Variants in P4HA1 observed in about 807,000 individuals in gnomAD.
P4HA1 encodes the protein prolyl 4-hydroxylase subunit alpha 1.
In P4HA1, 24 loss-of-function variants were observed where a neutral mutation model predicts 72.8. The observed-to-expected ratio is 0.33, with a 90% CI of 0.24 to 0.46. The LOEUF (loss-of-function observed/expected upper bound fraction) is 0.46. Ranked by LOEUF, P4HA1 falls within the 20% of genes least tolerant of loss-of-function variation. The probability of loss-of-function intolerance (pLI) is 1.00; values close to 1 mark genes in which losing one functional copy is unlikely to be tolerated. For synonymous variants in P4HA1, 201 were observed against 218.8 expected, an observed-to-expected ratio of 0.92 and a Z score of 0.72; for missense variants, 446 against 640.6, an observed-to-expected ratio of 0.70 and a Z score of 3.28.
chr10:73,068,772 A>G (rs1404399498), intron 5 of P4HA1, 74 bp downstream of exon 5: 6 of 1,195,546 alleles, frequency 5.0e-6, no homozygotes. Context: ...TCTTTTTTAT[A>G]CTAACATTGT....
intron 9 of P4HA1, among the ~76,000 whole-genome samples, chr10:73,034,511 T>A (rs1840517913): frequency 6.6e-6 from 1 of 151,988 alleles, no homozygotes; most frequent in Non-Finnish European, 1.5e-5. Context: ...ATTTGCCTAT[T>A]CTAGGTATCT....
At chr10:73,090,760 G>A (rs1202611524) in intron 1 of P4HA1, among the ~76,000 whole-genome samples, 3 of 151,900 alleles carry the variant, frequency 2.0e-5, no homozygotes, top group Non-Finnish European at 4.4e-5. Flanking sequence ...TATCTTTGAG[G>A]TTAAAGGAAG....
At chr10:73,041,546 C>T (rs184154596) in intron 9 of P4HA1, among the ~76,000 whole-genome samples, 22 of 148,244 alleles carry the variant, frequency 1.5e-4, no homozygotes, top group Admixed American at 2.7e-4. Flanking sequence ...CCATCCCCCC[C>T]CCAAAAAAAA....
intron 9 of P4HA1, among the ~76,000 whole-genome samples, chr10:73,042,744 T>A (rs1417525098): frequency 6.6e-6 from 1 of 152,070 alleles, no homozygotes; most frequent in African/African-American, 2.4e-5. Context: ...GTGGTGGGGA[T>A]TTTACCTATC....
intron 10 of P4HA1, among the ~76,000 whole-genome samples, chr10:73,022,245 G>A (rs1206838729): frequency 1.3e-5 from 2 of 152,276 alleles, no homozygotes; most frequent in South Asian, 2.1e-4. Flanking sequence ...AGTAGGGGCC[G>A]ACAGACACCT....
At chr10:73,032,544 A>G (rs1840455659) in intron 9 of P4HA1, among the ~76,000 whole-genome samples, 1 of 152,182 alleles carries the variant, frequency 6.6e-6, no homozygotes, top group South Asian at 2.1e-4. Context: ...CTCCAACACT[A>G]TATTCTGCCT....
intron 10 of P4HA1, among the ~76,000 whole-genome samples, chr10:73,019,268 C>G (rs1045709239): frequency 2.4e-4 from 36 of 152,124 alleles, no homozygotes; most frequent in African/African-American, 8.7e-4. Context: ...AACAGAGTCA[C>G]CACACCCTTC....
chr10:73,048,769 T>C (rs1840935705), intron 7 of P4HA1, among the ~76,000 whole-genome samples: 1 of 152,206 alleles, frequency 6.6e-6, no homozygotes, highest in Non-Finnish European at 1.5e-5. Flanking sequence ...GATAATGGTA[T>C]TGTAGTTATT....
rs377750680 is a variant in P4HA1, at chr10:73,023,581, G to A, written c.1249-6682C>T. ...AGACCATCGATGCTATGAAGAAACC[G>A]CATCAATTAACGAGCAAAATAACCA... On this transcript the variant is annotated intron_variant, in intron 10 of 14. Coordinates refer to ENST00000394890, the MANE Select transcript of P4HA1 (RefSeq NM_001017962.3). Among the ~76,000 whole-genome samples, 98 of 152,182 alleles carry A rather than the reference G, an allele frequency of 6.4e-4. 1 individual carries two copies. Among genetic ancestry groups the A allele is most frequent in the South Asian group, 5.6e-3 (27 of 4,814 alleles).
chr10:73,014,864 T>C (rs1406374458), intron 11 of P4HA1, among the ~76,000 whole-genome samples: 1 of 150,982 alleles, frequency 6.6e-6, no homozygotes, highest in African/African-American at 2.4e-5. Context: ...AGTCTTGCCC[T>C]GTCGCCCAGG....
intron 10 of P4HA1, among the ~76,000 whole-genome samples, chr10:73,021,557 G>A (rs556203155): frequency 2.0e-4 from 31 of 152,252 alleles, no homozygotes; most frequent in African/African-American, 7.0e-4. Flanking sequence ...GCCCAGCATA[G>A]ACAAATATCA....
chr10:73,078,086 A>AAAAC (rs1564636306), intron 1 of P4HA1, among the ~76,000 whole-genome samples: 1 of 150,452 alleles, frequency 6.6e-6, no homozygotes, highest in African/African-American at 2.5e-5. Flanking sequence ...AAAAAAAAAA[A>AAAAC]ACCTTTAAAA....
intron 6 of P4HA1, among the ~76,000 whole-genome samples, chr10:73,052,043 C>A (rs1346806518): frequency 6.6e-6 from 1 of 152,004 alleles, no homozygotes. Context: ...GAAGTTCAGT[C>A]CCAAATTTCT....
intron 9 of P4HA1, among the ~76,000 whole-genome samples, chr10:73,040,932 T>C (rs976532239): frequency 3.3e-5 from 5 of 152,198 alleles, no homozygotes; most frequent in South Asian, 2.1e-4. Flanking sequence ...TTTGTAGATA[T>C]GAATTAGGTT....
chr10:73,069,110 C>T, intron 4 of P4HA1, 127 bp from the exon 5 acceptor site: 1 of 666,548 alleles, frequency 1.5e-6, no homozygotes, highest in Non-Finnish European at 2.5e-6. Context: ...GTTCTACATA[C>T]TCAACAAGAA....
At chr10:73,027,868 G>A (rs1438439720) in intron 10 of P4HA1, among the ~76,000 whole-genome samples, 1 of 126,660 alleles carries the variant, frequency 7.9e-6, no homozygotes. Context: ...GAGGGAGGGA[G>A]AGAGGGAGGG....
intron 4 of P4HA1, among the ~76,000 whole-genome samples, chr10:73,069,555 G>C (rs1278313797): frequency 6.6e-6 from 1 of 152,036 alleles, no homozygotes; most frequent in Non-Finnish European, 1.5e-5. Context: ...ATTTAAATCA[G>C]TTTAATTATC....
intron 10 of P4HA1, among the ~76,000 whole-genome samples, chr10:73,023,057 G>A (rs936879110): frequency 6.6e-6 from 1 of 152,136 alleles, no homozygotes; most frequent in African/African-American, 2.4e-5. Context: ...AATGGAAACA[G>A]GCTGAAAAAC....
chr10:73,096,196 G>GC (rs201740913), intron 1 of P4HA1, among the ~76,000 whole-genome samples: 1,911 of 152,356 alleles, frequency 0.013, 24 homozygotes, highest in Middle Eastern at 0.048. Flanking sequence ...ACCGCTGCGC[G>GC]CAACAGATGA....
Sources: allele counts gnomAD v4.1 joint callset (sites outside exome capture counted in the v4.1 genomes callset), GRCh38; gene constraint gnomAD v4.1.1; transcripts MANE v1.5; gene names NCBI Gene and HGNC (gene_info 2026-07-23, HGNC 2026-07-21).